Variants in PTTG1IP observed in about 807,000 individuals in gnomAD.
The protein encoded by PTTG1IP is pituitary tumor-transforming gene 1 protein-interacting protein.
In PTTG1IP, 16 loss-of-function variants were observed where a neutral mutation model predicts 24.4. The ratio of observed to expected loss-of-function variants is 0.66; its 90% CI spans 0.44 to 1.00. The LOEUF (loss-of-function observed/expected upper bound fraction) is 1.00, where lower values mean the gene tolerates loss of function less well. Among genes scored for constraint, PTTG1IP ranks in the 50% least tolerant of loss-of-function variants. The pLI is 0.00. For synonymous variants in PTTG1IP, 89 were observed against 96.8 expected, an observed-to-expected ratio of 0.92 and a Z score of 0.47; for missense variants, 241 against 245.8, an observed-to-expected ratio of 0.98 and a Z score of 0.13.
intron 5 of PTTG1IP, among the ~76,000 whole-genome samples, chr21:44,852,653 G>A (rs2083419797): frequency 6.6e-6 from 1 of 152,204 alleles, no homozygotes; most frequent in South Asian, 2.1e-4. Flanking sequence ...GAGGGCCACA[G>A]GCATCAGGCT....
intron 3 of PTTG1IP, among the ~76,000 whole-genome samples, chr21:44,860,897 G>A (rs377103176): frequency 3.3e-5 from 5 of 151,988 alleles, no homozygotes; most frequent in Admixed American, 6.6e-5. Context: ...TCCGCCTCCC[G>A]GGTTCAAGCA....
Position 44,851,339 on chromosome 21 carries a change from A to G in PTTG1IP, c.*242T>C, listed in dbSNP as rs2083408959. The G allele has an allele frequency of 5.3e-6, 8 of 1,501,502 alleles. No individual in the cohort carries two copies. The highest frequency in any genetic ancestry group is 6.2e-6 in the Non-Finnish European group (7 of 1,122,274). The allele number at this position is 1,501,502 out of a possible 1,614,324, so 93.0% of individuals were successfully genotyped here. The stretch of plus-strand genomic sequence containing the variant: ...AAGAGTATAAAAAAGCCCAAACCCC[A>G]AAGATTTCTTATTTCAAGTGACTAA... On this transcript the variant is annotated 3_prime_UTR_variant, in exon 6 of 6. Coordinates refer to ENST00000330938, the MANE Select transcript of PTTG1IP (RefSeq NM_004339.4).
chr21:44,866,283 TCCC>T (rs1423162676), intron 1 of PTTG1IP, among the ~76,000 whole-genome samples: 4 of 82,838 alleles, frequency 4.8e-5, no homozygotes, highest in Non-Finnish European at 8.9e-5. Context: ...GACTGCCTAC[TCCC>T]CCAATCCCGT....
At chr21:44,854,114 G>A (rs1191311631) in intron 5 of PTTG1IP, among the ~76,000 whole-genome samples, 5 of 152,134 alleles carry the variant, frequency 3.3e-5, no homozygotes, top group Non-Finnish European at 7.4e-5. Flanking sequence ...TGCACCTGAC[G>A]GAGGCGCCGC....
chr21:44,866,736 CTCA>C (rs1288841911), intron 1 of PTTG1IP, among the ~76,000 whole-genome samples: 1 of 151,946 alleles, frequency 6.6e-6, no homozygotes, highest in Non-Finnish European at 1.5e-5. Context: ...GAGCTCTGTG[CTCA>C]TCACCAGTCA....
chr21:44,855,473 G>A (rs1025035368), intron 4 of PTTG1IP, among the ~76,000 whole-genome samples: 9 of 152,112 alleles, frequency 5.9e-5, no homozygotes, highest in Non-Finnish European at 8.8e-5. Flanking sequence ...TTCAAAGGCC[G>A]TTCCAATGTA....
intron 2 of PTTG1IP, among the ~76,000 whole-genome samples, chr21:44,865,042 G>A (rs1601254365): frequency 1.3e-5 from 2 of 152,132 alleles, no homozygotes; most frequent in East Asian, 1.9e-4. Flanking sequence ...GCTGCAGCCC[G>A]ACAGCCTGGG....
chr21:44,857,701 G>GATCCCGCAGC (rs2083459500), intron 3 of PTTG1IP, among the ~76,000 whole-genome samples: 4 of 152,336 alleles, frequency 2.6e-5, no homozygotes, highest in Non-Finnish European at 5.9e-5. Context: ...GGCCTCTGGG[G>GATCCCGCAGC]CTCCCGCAGC....
intron 1 of PTTG1IP, 137 bp from the exon 2 acceptor site, chr21:44,865,584 T>A: frequency 1.2e-6 from 1 of 829,002 alleles, no homozygotes; most frequent in Non-Finnish European, 2.0e-6. Context: ...ATGAAGGTCC[T>A]CTTCCTGAGC....
chr21:44,868,429 T>C (rs1219399590), intron 1 of PTTG1IP, among the ~76,000 whole-genome samples: 1 of 152,218 alleles, frequency 6.6e-6, no homozygotes, highest in Non-Finnish European at 1.5e-5. Flanking sequence ...TTCTACGTGC[T>C]GTTCCCCATC....
chr21:44,852,988 T>C (rs142231657), intron 5 of PTTG1IP, among the ~76,000 whole-genome samples: 1 of 152,134 alleles, frequency 6.6e-6, no homozygotes, highest in Non-Finnish European at 1.5e-5. Context: ...AAGGGCCAAA[T>C]TAACCACCAA....
chr21:44,867,406 G>T (rs1601257205), intron 1 of PTTG1IP, among the ~76,000 whole-genome samples: 1 of 152,008 alleles, frequency 6.6e-6, no homozygotes, highest in Non-Finnish European at 1.5e-5. Context: ...TATGGAGGGA[G>T]GGGGGCAATG....
At chr21:44,869,775 C>G (rs952368879) in intron 1 of PTTG1IP, among the ~76,000 whole-genome samples, 3 of 152,214 alleles carry the variant, frequency 2.0e-5, no homozygotes, top group African/African-American at 7.2e-5. Context: ...TAAATACAAT[C>G]TGGGCAAGGA....
chr21:44,854,248 A>G (rs1161295804), intron 5 of PTTG1IP, among the ~76,000 whole-genome samples: 2 of 152,184 alleles, frequency 1.3e-5, no homozygotes, highest in Non-Finnish European at 2.9e-5. Context: ...TCCCTAAAAC[A>G]AACAGAAGAC....
intron 1 of PTTG1IP, among the ~76,000 whole-genome samples, chr21:44,866,680 A>C (rs866516884): frequency 1.4e-5 from 2 of 145,082 alleles, no homozygotes; most frequent in Admixed American, 6.9e-5. Flanking sequence ...CCAATCCCAT[A>C]ACACACACAC....
At chr21:44,857,035 T>C (rs1244401991) in intron 3 of PTTG1IP, among the ~76,000 whole-genome samples, 2 of 152,236 alleles carry the variant, frequency 1.3e-5, no homozygotes, top group Non-Finnish European at 2.9e-5. Flanking sequence ...ACGTGCACAT[T>C]TAAAACAGAT....
At position 44,851,567 on chromosome 21, in the gene PTTG1IP, T is replaced by C. The variant is rs368634802; in HGVS notation, c.*14A>G. 3.7e-6 allele frequency: 6 copies of C among 1,610,272 alleles called. No individual in the cohort carries two copies. The highest frequency in any genetic ancestry group is 5.1e-6 in the Non-Finnish European group (6 of 1,176,718). ...ACCTCACAGGAAGCGTCGGGACTGATGTGCTGGAGCGCTTTAGTTGTTTTC... is the reference window on the plus strand; with the variant it reads ...ACCTCACAGGAAGCGTCGGGACTGACGTGCTGGAGCGCTTTAGTTGTTTTC... On this transcript the variant is annotated 3_prime_UTR_variant, in exon 6 of 6. Transcript: ENST00000330938.
At chr21:44,855,399 A>G in intron 4 of PTTG1IP, 143 bp from the exon 5 acceptor site, 1 of 857,974 alleles carries the variant, frequency 1.2e-6, no homozygotes, top group Non-Finnish European at 1.9e-6. Flanking sequence ...AACCAGGGTG[A>G]GGACAAGCTT....
Sources: gnomAD v4.1 joint callset for allele counts (sites outside exome capture counted in the v4.1 genomes callset) on GRCh38, gnomAD v4.1.1 for gene constraint, MANE v1.5 for transcripts, NCBI Gene and HGNC (gene_info 2026-07-23, HGNC 2026-07-21) for gene names.